RABGAP1L: variants seen among roughly 807,000 people sequenced by gnomAD.
RABGAP1L encodes RAB GTPase activating protein 1 like, also known as rab GTPase-activating protein 1-like.
A neutral mutation model predicts 137.7 loss-of-function variants in RABGAP1L; 63 were observed. The ratio of observed to expected loss-of-function variants is 0.46; its 90% CI spans 0.37 to 0.56. RABGAP1L has a LOEUF of 0.56. Among genes scored for constraint, RABGAP1L ranks in the 20% least tolerant of loss-of-function variants. The pLI is 0.00. For synonymous variants in RABGAP1L, 431 were observed against 433.7 expected (o/e 0.99, Z 0.08); for missense variants, 1,095 against 1,244.0 (o/e 0.88, Z 1.80).
At chr1:174,450,670 G>A (rs1046179873) in intron 13 of RABGAP1L, among the ~76,000 whole-genome samples, 2 of 152,116 alleles carry the variant, frequency 1.3e-5, no homozygotes, top group Admixed American at 6.6e-5. Context: ...TAAATTGTCA[G>A]GGGTTTAGAT....
chr1:174,916,590 A>G (rs961126817), intron 19 of RABGAP1L, among the ~76,000 whole-genome samples: 1 of 152,250 alleles, frequency 6.6e-6, no homozygotes, highest in African/African-American at 2.4e-5. Context: ...AGTTGCTTAA[A>G]CAAGAAAGAT....
At chr1:174,454,261 C>CA (rs536002522) in intron 13 of RABGAP1L, among the ~76,000 whole-genome samples, 16 of 148,578 alleles carry the variant, frequency 1.1e-4, no homozygotes, top group African/African-American at 1.7e-4. Context: ...GGCTCCATTT[C>CA]AAAAAAAAAG....
chr1:174,850,233 G>C (rs190279651), intron 19 of RABGAP1L: 1 of 280,518 alleles, frequency 3.6e-6, no homozygotes, highest in African/African-American at 2.2e-5. Context: ...GGAAACCTCC[G>C]GGGTACCCTA....
intron 17 of RABGAP1L, among the ~76,000 whole-genome samples, chr1:174,727,679 G>A (rs945858884): frequency 4.6e-5 from 7 of 152,162 alleles, no homozygotes; most frequent in African/African-American, 1.7e-4. Flanking sequence ...AAAAGGTTCT[G>A]TGTCTTCACA....
intron 13 of RABGAP1L, among the ~76,000 whole-genome samples, chr1:174,572,975 T>G (rs955628208): frequency 2.0e-5 from 3 of 150,130 alleles, no homozygotes; most frequent in Admixed American, 2.0e-4. Context: ...CATTTTGTGG[T>G]TAAGTGCACT....
chr1:174,790,765 G>A (rs1687791342), intron 18 of RABGAP1L, among the ~76,000 whole-genome samples: 1 of 151,006 alleles, frequency 6.6e-6, no homozygotes, highest in Non-Finnish European at 1.5e-5. Flanking sequence ...TTGAAGCCAT[G>A]AGTGTGTGTG....
chr1:174,788,120 ATACCAGAC>A (rs1280385907), intron 18 of RABGAP1L, among the ~76,000 whole-genome samples: 3 of 152,240 alleles, frequency 2.0e-5, no homozygotes, highest in Non-Finnish European at 4.4e-5. Context: ...TTGAATAGTG[ATACCAGAC>A]CAGCTTCTGC....
intron 7 of RABGAP1L, among the ~76,000 whole-genome samples, chr1:174,254,226 A>G (rs1178606232): frequency 6.6e-6 from 1 of 152,182 alleles, no homozygotes; most frequent in Non-Finnish European, 1.5e-5. Context: ...AATTGCTTGC[A>G]AAGTTTGGCC....
chr1:174,227,826 T>C (rs986088207), intron 3 of RABGAP1L, among the ~76,000 whole-genome samples: 12 of 151,894 alleles, frequency 7.9e-5, no homozygotes, highest in African/African-American at 2.7e-4. Context: ...CTAATACATA[T>C]GTTAGAAGTT....
intron 19 of RABGAP1L, among the ~76,000 whole-genome samples, chr1:174,879,378 G>A (rs563587183): frequency 5.3e-5 from 8 of 150,164 alleles, no homozygotes; most frequent in South Asian, 4.2e-4. Context: ...GATTACAGGC[G>A]TGAGTCACGG....
In RABGAP1L at chr1:174,281,535, C is replaced by T. The variant is rs928377507; in HGVS notation, c.1323+2756C>T. ...GTCCCACCCGACCCAGAAGCCCAGC[C>T]GGATTCGCCTCTCACCTTGACCTGA... On this transcript the variant is annotated intron_variant, in intron 10 of 25. Coordinates refer to ENST00000681986, the MANE Select transcript of RABGAP1L (RefSeq NM_001366446.1). Among the ~76,000 whole-genome samples, 4 of 152,170 alleles carry T rather than the reference C, an allele frequency of 2.6e-5. 1 individual carries two copies. The highest frequency in any genetic ancestry group is 4.1e-4 in the South Asian group (2 of 4,828).
intron 13 of RABGAP1L, among the ~76,000 whole-genome samples, chr1:174,466,857 A>G (rs904302277): frequency 6.6e-6 from 1 of 152,306 alleles, no homozygotes; most frequent in South Asian, 2.1e-4. Context: ...GAAATTTTTT[A>G]TTCATCACTT....
At chr1:174,390,027 G>A (rs538228008) in intron 12 of RABGAP1L, among the ~76,000 whole-genome samples, 9 of 152,116 alleles carry the variant, frequency 5.9e-5, no homozygotes, top group Admixed American at 1.3e-4. Flanking sequence ...AATATTGAAA[G>A]CAATGATTAT....
intron 13 of RABGAP1L, among the ~76,000 whole-genome samples, chr1:174,451,890 T>TA (rs1162200784): frequency 1.3e-5 from 2 of 152,306 alleles, no homozygotes; most frequent in East Asian, 3.9e-4. Context: ...TTCCCTTGAA[T>TA]ACCTTTTTGA....
At position 174,163,939 on chromosome 1, in the gene RABGAP1L, G is replaced by C. The variant is rs373974675; in HGVS notation, c.-34+4282G>C. Among the ~76,000 whole-genome samples the C allele has an allele frequency of 2.2e-3, 332 of 152,114 alleles. 1 individual carries two copies. The highest frequency in any genetic ancestry group is 7.6e-3 in the African/African-American group (315 of 41,492). On this transcript the variant is annotated intron_variant, in intron 1 of 25. Transcript: ENST00000681986. ...TCTTAGTAATGGAAGTCTCATTGAG[G>C]GATGCAAGGGAATTTGATTGGGAAA...
At chr1:174,974,508 C>T (rs75497644) in intron 21 of RABGAP1L, among the ~76,000 whole-genome samples, 2,263 of 152,276 alleles carry the variant, frequency 0.015, 37 homozygotes, top group Non-Finnish European at 0.024. Flanking sequence ...TGACTTACAA[C>T]TTATGAAAAC....
chr1:174,936,940 A>T (rs1333976875), intron 19 of RABGAP1L, among the ~76,000 whole-genome samples: 1 of 151,298 alleles, frequency 6.6e-6, no homozygotes, highest in African/African-American at 2.4e-5. Flanking sequence ...TGTAGTGAGA[A>T]TGAGGAAGGA....
intron 13 of RABGAP1L, among the ~76,000 whole-genome samples, chr1:174,611,883 T>G (rs1671287066): frequency 6.6e-6 from 1 of 152,222 alleles, no homozygotes; most frequent in African/African-American, 2.4e-5. Context: ...TTAAGAATGC[T>G]TGTGATTTTT....
intron 12 of RABGAP1L, among the ~76,000 whole-genome samples, chr1:174,389,007 GTTTTT>G (rs1687020103): frequency 6.6e-6 from 1 of 151,608 alleles, no homozygotes; most frequent in Non-Finnish European, 1.5e-5. Context: ...TTTTTCTGCT[GTTTTT>G]ATTGAATAAG....
Sources: gnomAD v4.1 joint callset for allele counts (sites outside exome capture counted in the v4.1 genomes callset) on GRCh38, gnomAD v4.1.1 for gene constraint, MANE v1.5 for transcripts, NCBI Gene and HGNC (gene_info 2026-07-23, HGNC 2026-07-21) for gene names.